The following LPAR1 variants were observed in gnomAD, a reference collection of about 807,000 sequenced individuals.
LPAR1 encodes LPA receptor 1.
In LPAR1, 5 loss-of-function variants were observed where a neutral mutation model predicts 23.8. The ratio of observed to expected loss-of-function variants is 0.21; its 90% CI spans 0.11 to 0.44. LPAR1 has a LOEUF of 0.44. Among genes scored for constraint, LPAR1 ranks in the 20% least tolerant of loss-of-function variants. LPAR1 has a pLI of 0.99. For synonymous variants in LPAR1, 160 were observed against 164.7 expected (o/e 0.97, Z 0.22); for missense variants, 311 against 482.8 (o/e 0.64, Z 3.33).
At chr9:110,934,756 G>C (rs73655696) in intron 5 of LPAR1, among the ~76,000 whole-genome samples, 2,929 of 152,096 alleles carry the variant, frequency 0.019, 95 homozygotes, top group African/African-American at 0.067. Flanking sequence ...CATCCAGATA[G>C]TTCTTGTCAA....
intron 5 of LPAR1, among the ~76,000 whole-genome samples, chr9:110,914,446 A>G (rs889017146): frequency 6.6e-6 from 1 of 152,142 alleles, no homozygotes; most frequent in Non-Finnish European, 1.5e-5. Flanking sequence ...CTTATTCACT[A>G]CCACCAGAAC....
rs2078596757 is a variant in LPAR1, at chr9:110,873,935, A to G, written c.*1486T>C. On this transcript the variant is annotated 3_prime_UTR_variant, in exon 6 of 6. Transcript: ENST00000683809. Reference sequence around the variant, plus strand: ...GTACCTTGATTCTTGAGACAGTTGAATTCTTCTAGTTGATCTTGTTGTATT... The same window carrying G: ...GTACCTTGATTCTTGAGACAGTTGAGTTCTTCTAGTTGATCTTGTTGTATT... The G allele has an allele frequency of 6.6e-6, 1 of 152,608 alleles. No individual in the cohort carries two copies. Among genetic ancestry groups the G allele is most frequent in the African/African-American group, 2.4e-5 (1 of 41,456 alleles). 9.5% of individuals were successfully genotyped at this position (152,608 alleles called of 1,614,324 possible).
intron 2 of LPAR1, among the ~76,000 whole-genome samples, chr9:110,986,425 C>T (rs1157107446): frequency 6.6e-6 from 1 of 152,012 alleles, no homozygotes; most frequent in Non-Finnish European, 1.5e-5. Flanking sequence ...TAATTTTCAG[C>T]CAAGTATGGT....
At chr9:110,926,957 C>A (rs1377248091) in intron 5 of LPAR1, among the ~76,000 whole-genome samples, 1 of 152,206 alleles carries the variant, frequency 6.6e-6, no homozygotes, top group African/African-American at 2.4e-5. Flanking sequence ...ATGCCTGAAT[C>A]CCAACACAAA....
At chr9:111,036,490 C>T (rs1383149088) in intron 1 of LPAR1, among the ~76,000 whole-genome samples, 2 of 152,162 alleles carry the variant, frequency 1.3e-5, no homozygotes, top group Admixed American at 1.3e-4. Flanking sequence ...CTCTCACTTC[C>T]CCCTCCTACC....
chr9:110,997,564 G>A (rs1213257803), intron 2 of LPAR1, among the ~76,000 whole-genome samples: 1 of 152,058 alleles, frequency 6.6e-6, no homozygotes, highest in Non-Finnish European at 1.5e-5. Flanking sequence ...GTTCTTGGAT[G>A]GTATAGCACC....
chr9:110,996,581 G>A (rs1229270616), intron 2 of LPAR1, among the ~76,000 whole-genome samples: 5 of 152,108 alleles, frequency 3.3e-5, no homozygotes, highest in Non-Finnish European at 7.4e-5. Context: ...GCTTGAGAAG[G>A]AAGCGTGTGC....
At chr9:110,948,592 C>A (rs917361985) in intron 4 of LPAR1, among the ~76,000 whole-genome samples, 3 of 152,158 alleles carry the variant, frequency 2.0e-5, no homozygotes, top group African/African-American at 7.2e-5. Context: ...TACACATCAT[C>A]ATACTTGTCA....
At chr9:110,887,707 T>C (rs1265719204) in intron 5 of LPAR1, among the ~76,000 whole-genome samples, 1 of 152,200 alleles carries the variant, frequency 6.6e-6, no homozygotes, top group African/African-American at 2.4e-5. Context: ...TCAATTATTT[T>C]AAGTACAAGT....
intron 5 of LPAR1, among the ~76,000 whole-genome samples, chr9:110,913,810 G>A (rs1343875862): frequency 6.6e-6 from 1 of 152,150 alleles, no homozygotes; most frequent in African/African-American, 2.4e-5. Flanking sequence ...AAATTGTTGA[G>A]TAGGAAGATC....
At chr9:110,923,356 A>G (rs1441232911) in intron 5 of LPAR1, among the ~76,000 whole-genome samples, 1 of 152,114 alleles carries the variant, frequency 6.6e-6, no homozygotes, top group East Asian at 1.9e-4. Context: ...AAAGTGATAC[A>G]CCCATTCCTT....
At chr9:110,957,272 C>T (rs2137045440) in intron 4 of LPAR1, among the ~76,000 whole-genome samples, 1 of 150,846 alleles carries the variant, frequency 6.6e-6, no homozygotes, top group East Asian at 2.0e-4. Context: ...CAAGAGGAAC[C>T]CTTGAGCCCA....
chr9:110,938,339 T>C lies in LPAR1; in HGVS notation c.793+3082A>G, dbSNP rs191415250. On this transcript the variant is annotated intron_variant, in intron 5 of 5. Transcript: ENST00000683809. The stretch of plus-strand genomic sequence containing the variant: ...TGAAGTGGGAGACCAGCAGGACTTG[T>C]TTTCACAACGCTGCTGATCAAAACA... Among the ~76,000 whole-genome samples, 1,072 of 152,134 alleles carry C rather than the reference T, an allele frequency of 7.0e-3. 57 individuals carry two copies. The highest frequency in any genetic ancestry group is 0.062 in the Admixed American group (953 of 15,282).
chr9:110,889,726 A>G (rs1352815305), intron 5 of LPAR1, among the ~76,000 whole-genome samples: 1 of 152,242 alleles, frequency 6.6e-6, no homozygotes, highest in African/African-American at 2.4e-5. Context: ...TGCTGTACAA[A>G]TAGCATATTG....
intron 5 of LPAR1, among the ~76,000 whole-genome samples, chr9:110,926,177 C>T (rs1008967414): frequency 2.0e-5 from 3 of 152,202 alleles, no homozygotes; most frequent in Non-Finnish European, 4.4e-5. Context: ...GCCTAGGCCT[C>T]CCAAAGTGCT....
chr9:110,896,628 C>T (rs1315955070), intron 5 of LPAR1, among the ~76,000 whole-genome samples: 1 of 152,058 alleles, frequency 6.6e-6, no homozygotes, highest in African/African-American at 2.4e-5. Flanking sequence ...AAGAATAGTA[C>T]ACTAAGGATT....
chr9:111,008,800 T>A (rs2097269839), intron 2 of LPAR1, among the ~76,000 whole-genome samples: 1 of 152,120 alleles, frequency 6.6e-6, no homozygotes, highest in Non-Finnish European at 1.5e-5. Context: ...AGCTAATAAT[T>A]CAACCTGATG....
intron 5 of LPAR1, among the ~76,000 whole-genome samples, chr9:110,931,050 G>A (rs767961830): frequency 1.1e-4 from 16 of 152,038 alleles, no homozygotes; most frequent in Non-Finnish European, 2.1e-4. Flanking sequence ...GCCTAACAAC[G>A]GCTATTGTCA....
intron 2 of LPAR1, among the ~76,000 whole-genome samples, chr9:110,979,609 CAAA>C (rs2096627807): frequency 6.6e-6 from 1 of 151,990 alleles, no homozygotes; most frequent in African/African-American, 2.4e-5. Context: ...TATAAAATAT[CAAA>C]AAGCAGGTAG....
Sources: gnomAD v4.1 joint callset for allele counts (sites outside exome capture counted in the v4.1 genomes callset) on GRCh38, gnomAD v4.1.1 for gene constraint, MANE v1.5 for transcripts, NCBI Gene and HGNC (gene_info 2026-07-23, HGNC 2026-07-21) for gene names.